The following SIAE variants were observed in gnomAD, a reference collection of about 807,000 sequenced individuals.
The protein encoded by SIAE is sialic acid acetylesterase.
A neutral mutation model predicts 52.6 loss-of-function variants in SIAE; 39 were observed. The observed-to-expected ratio is 0.74, with a 90% CI of 0.57 to 0.97. The LOEUF (loss-of-function observed/expected upper bound fraction) is 0.97. SIAE is among the 50% of genes least tolerant of loss of function. The probability of loss-of-function intolerance (pLI) is 0.00; values close to 1 mark genes in which losing one functional copy is unlikely to be tolerated. For synonymous variants in SIAE, 233 were observed against 241.4 expected (o/e 0.97, Z 0.32); for missense variants, 592 against 662.1 (o/e 0.89, Z 1.16).
intron 4 of SIAE, among the ~76,000 whole-genome samples, chr11:124,652,931 C>T (rs1287085907): frequency 6.6e-6 from 1 of 152,090 alleles, no homozygotes; most frequent in Non-Finnish European, 1.5e-5. Context: ...CCTGTGATAT[C>T]CACATTTATT....
rs1943361569 is a variant in SIAE, at chr11:124,671,813, G to A, written c.67+1829C>T. On this transcript the variant is annotated intron_variant, in intron 1 of 9. Coordinates refer to ENST00000263593, the MANE Select transcript of SIAE (RefSeq NM_170601.5). ...GTCTTGCTCTGTCACCCAGGCTGGA[G>A]TGCAGTGGTGCGATCTCAGCTCACT... 2.0e-5 allele frequency among the ~76,000 whole-genome samples: 3 copies of A among 152,176 alleles called. 1 individual carries two copies. Among genetic ancestry groups the A allele is most frequent in the Non-Finnish European group, 2.9e-5 (2 of 68,038 alleles).
intron 3 of SIAE, chr11:124,659,230 C>G (rs557274098): frequency 1.1e-4 from 16 of 152,350 alleles, no homozygotes; most frequent in South Asian, 1.0e-3. Flanking sequence ...TAGATACAAA[C>G]AGATCTGGTC....
intron 3 of SIAE, among the ~76,000 whole-genome samples, chr11:124,655,518 C>T (rs1234900054): frequency 2.0e-5 from 3 of 152,014 alleles, no homozygotes; most frequent in Non-Finnish European, 4.4e-5. Flanking sequence ...TTATGTGGAA[C>T]CAAAAAGGCC....
intron 3 of SIAE, chr11:124,660,361 G>A (rs1943168395): frequency 2.2e-6 from 1 of 452,674 alleles, no homozygotes; most frequent in South Asian, 2.2e-5. Context: ...TGGAGAAAGT[G>A]CTAGAGAAAA....
chr11:124,661,868 A>G (rs1040071005), intron 2 of SIAE, among the ~76,000 whole-genome samples: 1 of 152,250 alleles, frequency 6.6e-6, no homozygotes, highest in Non-Finnish European at 1.5e-5. Flanking sequence ...CATCCAATCT[A>G]TGGGAAATAA....
chr11:124,637,229 T>C (rs1309575508), intron 9 of SIAE, 27 bp from the exon 10 acceptor site: 2 of 1,613,894 alleles, frequency 1.2e-6, no homozygotes, highest in African/African-American at 2.7e-5. Context: ...AAAATAGGAA[T>C]GATTAGGTCA....
chr11:124,646,544 G>A (rs1942938530), intron 7 of SIAE, among the ~76,000 whole-genome samples: 1 of 150,960 alleles, frequency 6.6e-6, no homozygotes, highest in African/African-American at 2.4e-5. Context: ...GAGCACGGTG[G>A]ATTCCAGGGA....
Position 124,673,652 on chromosome 11 carries a change from G to C in SIAE, c.57C>G (p.Asp19Glu), listed in dbSNP as rs755435650. 2 of 1,613,536 alleles carry C rather than the reference G, an allele frequency of 1.2e-6. No individual in the cohort carries two copies. The highest frequency in any genetic ancestry group is 2.7e-5 in the African/African-American group (2 of 74,912). ...GCCGGGCCGCCTCACCTGCACTTCT[G>C]TCGGCCCACAGGATTAATGGCAGCA... is the stretch of plus-strand genomic sequence containing the variant. ...GLVLPLILWA[D>E]RSAGIGFRFA... The change falls in exon 1 of 10, where the codon GAC becomes GAG. Residue 19 changes from aspartate (D) to glutamate (E), a missense_variant. Asp to Glu is a conservative substitution (Grantham distance 45, BLOSUM62 2). Transcript: ENST00000263593.
intron 2 of SIAE, among the ~76,000 whole-genome samples, chr11:124,661,251 C>T (rs926642182): frequency 4.6e-5 from 7 of 152,104 alleles, no homozygotes; most frequent in African/African-American, 1.7e-4. Context: ...TGGAACTTCC[C>T]CTGGCTTGAC....
Position 124,634,956 on chromosome 11 carries a change from T to C in SIAE, c.*1995A>G, listed in dbSNP as rs1942691681. On this transcript the variant is annotated 3_prime_UTR_variant, in exon 10 of 10. Transcript: ENST00000263593. ...ATTTCATTTTAAAACTAAAAAGTTC[T>C]TACATTTGGGGAAATGCAGTGAATT... The C allele has an allele frequency of 6.6e-6, 1 of 152,250 alleles. No homozygotes were observed. Among genetic ancestry groups the C allele is most frequent in the African/African-American group, 2.4e-5 (1 of 41,468 alleles). The allele number at this position is 152,250 out of a possible 1,614,324, so 9.4% of individuals were successfully genotyped here.
Position 124,638,540 on chromosome 11 carries a change from A to G in SIAE, c.1320+2T>C. ...CCCTGTTTATTCTGCTGTTCTTCTCACCTCAAATATCTTGTTGTCCTTTTT... is the reference window on the plus strand; with the variant it reads ...CCCTGTTTATTCTGCTGTTCTTCTCGCCTCAAATATCTTGTTGTCCTTTTT... On this transcript the variant is annotated splice_donor_variant, in intron 9 of 9. Coordinates refer to ENST00000263593, the MANE Select transcript of SIAE (RefSeq NM_170601.5). LOFTEE classifies it high-confidence loss of function. The G allele has an allele frequency of 1.2e-6, 2 of 1,614,124 alleles. No individual in the cohort carries two copies. Among genetic ancestry groups the G allele is most frequent in the Non-Finnish European group, 1.7e-6 (2 of 1,179,960 alleles).
chr11:124,675,617 C>T, upstream of SIAE: 1 of 523,404 alleles, frequency 1.9e-6, no homozygotes, highest in South Asian at 2.5e-5. Flanking sequence ...TCGAAGATTA[C>T]CAGTTCATTA....
chr11:124,653,230 G>A (rs1943042597), intron 4 of SIAE, among the ~76,000 whole-genome samples: 1 of 152,170 alleles, frequency 6.6e-6, no homozygotes. Context: ...ATGAGGTCAG[G>A]TATTCTTGCC....
chr11:124,660,671 C>G lies in SIAE; in HGVS notation c.362G>C (p.Trp121Ser). ...RVHDVLFGDV[W>S]LCSGQSNMQM... is the part of the protein sequence containing the mutation. Reference sequence around the variant, plus strand: ...CATGTTACTCTGCCCACTACAGAGCCAGACATCTCCAAACAGGACGTCATG... The same window carrying G: ...CATGTTACTCTGCCCACTACAGAGCGAGACATCTCCAAACAGGACGTCATG... The change falls in exon 3 of 10, where the codon TGG (tryptophan) becomes TCG (serine). Residue 121 changes from tryptophan to serine, a missense_variant. By Grantham distance (177) the Trp-to-Ser change is radical. Coordinates refer to ENST00000263593, the MANE Select transcript of SIAE (RefSeq NM_170601.5). 1.9e-6 allele frequency: 3 copies of G among 1,614,184 alleles called. No individual in the cohort carries two copies. Among genetic ancestry groups the G allele is most frequent in the Non-Finnish European group, 2.5e-6 (3 of 1,180,040 alleles).
chr11:124,669,740 TA>T, intron 1 of SIAE: 1 of 538,852 alleles, frequency 1.9e-6, no homozygotes, highest in Non-Finnish European at 3.3e-6. Context: ...TGATGACCAC[TA>T]AGGAAAATTC....
intron 4 of SIAE, among the ~76,000 whole-genome samples, chr11:124,653,819 T>C (rs1342625452): frequency 6.6e-6 from 1 of 152,258 alleles, no homozygotes; most frequent in African/African-American, 2.4e-5. Flanking sequence ...GAGCAGGGAC[T>C]GTGTGTCCGT....
At chr11:124,644,088 C>A (rs1159001121) in intron 7 of SIAE, among the ~76,000 whole-genome samples, 5 of 151,936 alleles carry the variant, frequency 3.3e-5, no homozygotes, top group Admixed American at 6.6e-5. Flanking sequence ...CAGAAAGGAG[C>A]CTTGGATATG....
intron 4 of SIAE, among the ~76,000 whole-genome samples, chr11:124,653,339 G>C (rs1158348146): frequency 6.6e-6 from 1 of 152,068 alleles, no homozygotes; most frequent in Non-Finnish European, 1.5e-5. Flanking sequence ...ATAAATGTAG[G>C]AGCATCTGAG....
upstream of SIAE, chr11:124,673,988 G>A (rs1323304655): frequency 5.9e-6 from 3 of 508,382 alleles, no homozygotes; most frequent in Non-Finnish European, 1.1e-5. Flanking sequence ...CCGATACCAA[G>A]ACCTAGCCTT....
Sources: allele counts gnomAD v4.1 joint callset (sites outside exome capture counted in the v4.1 genomes callset), GRCh38; gene constraint gnomAD v4.1.1; transcripts MANE v1.5; gene names NCBI Gene and HGNC (gene_info 2026-07-23, HGNC 2026-07-21).